The following MUC17 variants were observed in gnomAD, a reference collection of about 807,000 sequenced individuals.
MUC17 encodes mucin 17, cell surface associated, also known as mucin-17.
Under a neutral mutation model 170.3 loss-of-function variants are expected in MUC17, and 190 were observed. The observed-to-expected ratio is 1.12, with a 90% CI of 0.99 to 1.26. The LOEUF (loss-of-function observed/expected upper bound fraction) is 1.26. Ranked by LOEUF, MUC17 falls within the 50% of genes most tolerant of loss-of-function variation. The pLI is 0.00. For synonymous variants in MUC17, 2,325 were observed against 2,002.5 expected, an observed-to-expected ratio of 1.16 and a Z score of -4.30; for missense variants, 6,415 against 5,530.0, an observed-to-expected ratio of 1.16 and a Z score of -5.08.
At position 101,033,447 on chromosome 7, in the gene MUC17, C is replaced by T. The variant is rs571489334; in HGVS notation, c.2031C>T (p.Ser677=). Residue 677 remains serine (S), a synonymous_variant, in exon 3 of 13, where the codon AGC becomes AGT. Transcript: ENST00000306151. The part of the protein sequence containing the change: ...TSSSTTAEGT[S]MPTSTYTEGS... Reference sequence around the variant, plus strand: ...CTTCTACAACTGCGGAAGGTACCAGCATGCCAACCTCAACTTATACTGAAG... The same window carrying T: ...CTTCTACAACTGCGGAAGGTACCAGTATGCCAACCTCAACTTATACTGAAG... 1 of 1,613,360 alleles carries T rather than the reference C, an allele frequency of 6.2e-7. No homozygotes were observed. Among genetic ancestry groups the T allele is most frequent in the South Asian group, 1.1e-5 (1 of 90,960 alleles).
intron 6 of MUC17, among the ~76,000 whole-genome samples, chr7:101,050,245 T>A (rs1794912965): frequency 6.6e-6 from 1 of 152,112 alleles, no homozygotes; most frequent in Admixed American, 6.5e-5. Flanking sequence ...TGTGGAAAGT[T>A]CTCTTAGGCA....
Position 101,032,237 on chromosome 7 carries a change from G to A in MUC17, c.821G>A (p.Ser274Asn), listed in dbSNP as rs1460334859. Residue 274 changes from serine to asparagine, a missense_variant, in exon 3 of 13, where the codon AGC becomes AAC. Ser to Asn is a conservative substitution (Grantham distance 46). Transcript: ENST00000306151. ...SLSNSAPSGG[S>N]TPLTRMPLSV... ...TCAAACTCAGCTCCTAGTGGAGGAA[G>A]CACTCCATTAACAAGAATGCCTCTC... The A allele has an allele frequency of 3.7e-6, 6 of 1,614,108 alleles. No homozygotes were observed. Among genetic ancestry groups the A allele is most frequent in the Non-Finnish European group, 5.1e-6 (6 of 1,179,964 alleles).
At position 101,034,492 on chromosome 7, in the gene MUC17, A is replaced by C. The variant is rs1232998963; in HGVS notation, c.3076A>C (p.Thr1026Pro). 6.2e-7 allele frequency: 1 copy of C among 1,613,030 alleles called. No homozygotes were observed. The highest frequency in any genetic ancestry group is 8.5e-7 in the Non-Finnish European group (1 of 1,179,634). Residue 1026 changes from threonine (T) to proline (P), a missense_variant, in exon 3 of 13, where the codon ACT becomes CCT. Coordinates refer to ENST00000306151, the MANE Select transcript of MUC17 (RefSeq NM_001040105.2). ...TSTEASSPPP[T>P]AEGTSMPTST... Reference sequence around the variant, plus strand: ...TACTGAAGCCAGTTCACCTCCTCCCACTGCTGAAGGTACCAGCATGCCAAC... The same window carrying C: ...TACTGAAGCCAGTTCACCTCCTCCCCCTGCTGAAGGTACCAGCATGCCAAC...
chr7:101,041,985 T>C lies in MUC17; in HGVS notation c.10569T>C (p.Pro3523=). 6.2e-7 allele frequency: 1 copy of C among 1,613,664 alleles called. No homozygotes were observed. Among genetic ancestry groups the C allele is most frequent in the Non-Finnish European group, 8.5e-7 (1 of 1,179,660 alleles). The change falls in exon 3 of 13, where the codon CCT becomes CCC. Residue 3523 remains proline, a synonymous_variant. Transcript: ENST00000306151. ...GEGSTPLTNM[P]VSTTPVASSE... is the part of the protein sequence containing the mutation. Reference sequence around the variant, plus strand: ...GAAGCACTCCATTAACAAATATGCCTGTCAGCACCACACCGGTGGCCAGTT... The same window carrying C: ...GAAGCACTCCATTAACAAATATGCCCGTCAGCACCACACCGGTGGCCAGTT...
At chr7:101,057,974 C>T (rs1400761123) in intron 12 of MUC17, 29 bp from the exon 13 acceptor site, 1 of 1,610,506 alleles carries the variant, frequency 6.2e-7, no homozygotes, top group Non-Finnish European at 8.5e-7. Flanking sequence ...ATGGGCTGAG[C>T]CCTCACTTGG....
intron 6 of MUC17, among the ~76,000 whole-genome samples, chr7:101,049,648 T>C (rs1263419694): frequency 1.3e-5 from 2 of 152,184 alleles, no homozygotes; most frequent in Non-Finnish European, 2.9e-5. Context: ...TGTCTTTGCA[T>C]GGTCTTTCCT....
intron 2 of MUC17, 25 bp downstream of exon 2, chr7:101,031,246 A>C: frequency 6.2e-7 from 1 of 1,600,562 alleles, no homozygotes; most frequent in Non-Finnish European, 8.5e-7. Flanking sequence ...TCCAAGATCT[A>C]TCTGGGAAGG....
At chr7:101,021,295 C>G (rs973131906) in intron 1 of MUC17, among the ~76,000 whole-genome samples, 1 of 151,594 alleles carries the variant, frequency 6.6e-6, no homozygotes, top group South Asian at 2.1e-4. Context: ...AAGCGATTCT[C>G]CCGCCTCAGG....
At chr7:101,020,242 C>G in intron 1 of MUC17, 25 bp downstream of exon 1, 1 of 1,581,342 alleles carries the variant, frequency 6.3e-7, no homozygotes, top group Non-Finnish European at 8.6e-7. Flanking sequence ...CGCCCCGCTG[C>G]CCAAGAGGCC....
intron 10 of MUC17, 82 bp from the exon 11 acceptor site, chr7:101,053,256 TA>T: frequency 6.3e-7 from 1 of 1,583,418 alleles, no homozygotes. Context: ...CGGGGGCAGC[TA>T]AAAATGGGGA....
At chr7:101,050,414 C>T in intron 6 of MUC17, 70 bp from the exon 7 acceptor site, 1 of 1,553,392 alleles carries the variant, frequency 6.4e-7, no homozygotes, top group South Asian at 1.2e-5. Flanking sequence ...GAGGGTGAAG[C>T]TTGCCTGGTA....
chr7:101,054,745 A>G (rs1226094446), intron 11 of MUC17, among the ~76,000 whole-genome samples: 2 of 152,178 alleles, frequency 1.3e-5, no homozygotes, highest in African/African-American at 4.8e-5. Flanking sequence ...ACTTGAGCCC[A>G]GGAGGTCAAG....
Position 101,051,953 on chromosome 7 carries a change from C to T in MUC17, c.13094C>T (p.Pro4365Leu), listed in dbSNP as rs749486888. The T allele has an allele frequency of 1.5e-5, 24 of 1,612,796 alleles. No individual in the cohort carries two copies. The highest frequency in any genetic ancestry group is 8.3e-5 in the Admixed American group (5 of 59,966). Reference protein sequence around the residue: ...LGKCQMSLSGPQCLCVTTETH... With the variant: ...LGKCQMSLSGLQCLCVTTETH... ...AAGTGCCAGATGTCTCTAAGTGGAC[C>T]TCAGTGCCTGTGAGTGCTCCCCCAT... The change falls in exon 9 of 13, where the codon CCT (proline) becomes CTT (leucine). Residue 4365 changes from proline (P) to leucine (L), a missense_variant. By Grantham distance (98) the Pro-to-Leu change is moderately conservative. Transcript: ENST00000306151.
intron 1 of MUC17, among the ~76,000 whole-genome samples, chr7:101,029,030 A>C (rs1312017012): frequency 1.3e-5 from 2 of 152,002 alleles, no homozygotes; most frequent in Non-Finnish European, 1.5e-5. Flanking sequence ...TCTACTAAAA[A>C]TACAAGATTA....
chr7:101,044,476 GT>G (rs1249141433), intron 3 of MUC17, among the ~76,000 whole-genome samples: 2 of 152,242 alleles, frequency 1.3e-5, no homozygotes, highest in Admixed American at 1.3e-4. Context: ...TGACTTACTT[GT>G]TTTCCCTTTG....
In MUC17 at chr7:101,038,486, C is replaced by T. The variant is rs1794568289; in HGVS notation, c.7070C>T (p.Thr2357Ile). 6 of 1,604,350 alleles carry T rather than the reference C, an allele frequency of 3.7e-6. No individual in the cohort carries two copies. The highest frequency in any genetic ancestry group is 5.1e-6 in the Non-Finnish European group (6 of 1,174,204). Reference protein sequence around the residue: ...TTMVASFETSTLSTTPADTST... With the variant: ...TTMVASFETSILSTTPADTST... ...ATGGTGGCCAGTTTTGAAACAAGCA[C>T]ACTTTCTACAACTCCTGCTGACACC... The change falls in exon 3 of 13, where the codon ACA becomes ATA. Residue 2357 changes from threonine (T) to isoleucine (I), a missense_variant. Transcript: ENST00000306151.
chr7:101,021,232 C>G (rs1794074409), intron 1 of MUC17, among the ~76,000 whole-genome samples: 1 of 131,826 alleles, frequency 7.6e-6, no homozygotes, highest in African/African-American at 2.9e-5. Flanking sequence ...GTCACCCAGG[C>G]TGGAGTTCTG....
In MUC17 at chr7:101,040,184, C is replaced by G; in HGVS notation, c.8768C>G (p.Pro2923Arg). 1.2e-6 allele frequency: 2 copies of G among 1,612,812 alleles called. No individual in the cohort carries two copies. The highest frequency in any genetic ancestry group is 1.7e-6 in the Non-Finnish European group (2 of 1,179,468). The change falls in exon 3 of 13, where the codon CCT becomes CGT. Residue 2923 changes from proline to arginine, a missense_variant. Coordinates refer to ENST00000306151, the MANE Select transcript of MUC17 (RefSeq NM_001040105.2). ...AEGTSMPIST[P>R]SEVSTPLTSI... ...GGTACCAGCATGCCAATCTCAACTC[C>G]TAGTGAAGTAAGTACTCCATTAACA...
At position 101,041,847 on chromosome 7, in the gene MUC17, C is replaced by G. The variant is rs1284086187; in HGVS notation, c.10431C>G (p.Thr3477=). ...CGGTGGCCAGTTCTGAGGCTAGCAC[C>G]CTTTCAACAACTCCTGTTGACACCA... is the stretch of plus-strand genomic sequence containing the variant. ...TTPVASSEAS[T]LSTTPVDTST... is the part of the protein sequence containing the mutation. The change falls in exon 3 of 13, where the codon ACC becomes ACG. Residue 3477 remains threonine (T), a synonymous_variant. Coordinates refer to ENST00000306151, the MANE Select transcript of MUC17 (RefSeq NM_001040105.2). 3 of 1,613,850 alleles carry G rather than the reference C, an allele frequency of 1.9e-6. No homozygotes were observed. Among genetic ancestry groups the G allele is most frequent in the Non-Finnish European group, 2.5e-6 (3 of 1,179,906 alleles).
Sources: allele counts gnomAD v4.1 joint callset (sites outside exome capture counted in the v4.1 genomes callset), GRCh38; gene constraint gnomAD v4.1.1; transcripts MANE v1.5; gene names NCBI Gene and HGNC (gene_info 2026-07-23, HGNC 2026-07-21).